The following CDH18 variants were observed in gnomAD, a reference collection of about 807,000 sequenced individuals.
The protein encoded by CDH18 is cadherin-18.
CDH18 carries 31 observed loss-of-function variants against 67.9 expected under a neutral mutation model. That is an observed-to-expected ratio of 0.46 (90% CI 0.34 to 0.62). The LOEUF is 0.62. Among genes scored for constraint, CDH18 ranks in the 20% least tolerant of loss-of-function variants. The probability of loss-of-function intolerance (pLI) is 0.01; values close to 1 mark genes in which losing one functional copy is unlikely to be tolerated. For missense variants in CDH18, 890 were observed against 975.5 expected (o/e 0.91, Z 1.17); for synonymous variants, 362 against 347.2 (o/e 1.04, Z -0.48).
intron 1 of CDH18, among the ~76,000 whole-genome samples, chr5:20,383,454 G>C (rs1219566210): frequency 6.6e-6 from 1 of 152,118 alleles, no homozygotes; most frequent in African/African-American, 2.4e-5. Flanking sequence ...TGCTTCATTT[G>C]CAAATTGCTA....
chr5:20,107,173 T>C (rs920837583), intron 2 of CDH18, among the ~76,000 whole-genome samples: 9 of 151,414 alleles, frequency 5.9e-5, no homozygotes, highest in Admixed American at 3.3e-4. Context: ...CTCCGCCTCC[T>C]GGGTTCACGC....
chr5:19,574,394 A>G (rs1212791726), intron 7 of CDH18, among the ~76,000 whole-genome samples: 3 of 152,284 alleles, frequency 2.0e-5, no homozygotes, highest in African/African-American at 7.2e-5. Context: ...AAAAATGAGT[A>G]GATTATTTTA....
chr5:20,086,133 C>T lies in CDH18; in HGVS notation c.-517-94119G>A, dbSNP rs528554763. On this transcript the variant is annotated intron_variant, in intron 2 of 14. Transcript: ENST00000507958. The stretch of plus-strand genomic sequence containing the variant: ...ATAAGAAAGTGAACCAGCCTTATTG[C>T]TGATATGGTGAATGTTTTATTGGTC... Among the ~76,000 whole-genome samples, 5 of 152,288 alleles carry T rather than the reference C, an allele frequency of 3.3e-5. No individual in the cohort carries two copies. In the South Asian group the frequency reaches 6.2e-4, roughly 19 times the overall value.
intron 2 of CDH18, among the ~76,000 whole-genome samples, chr5:19,913,960 A>G (rs570610940): frequency 9.2e-5 from 14 of 152,112 alleles, no homozygotes; most frequent in African/African-American, 3.1e-4. Flanking sequence ...TATAGAAACA[A>G]TGCGATTATT....
chr5:19,741,357 CACACAT>C lies in CDH18; in HGVS notation c.523+5579_523+5584del, dbSNP rs200170723. 6.3e-3 allele frequency among the ~76,000 whole-genome samples: 772 copies of C among 123,276 alleles called. 1 individual carries two copies. The highest frequency in any genetic ancestry group is 0.011 in the Non-Finnish European group (607 of 53,558). 80.9% of individuals were successfully genotyped at this position (123,276 alleles called of 152,430 possible). ...ACACACACACACACACACACACACA[CACACAT>C]ATATGACAGCCAGTACCTTACTAGG... On this transcript the variant is annotated intron_variant, in intron 4 of 12. Transcript: ENST00000382275.
chr5:20,384,860 G>A (rs1744188299), intron 1 of CDH18, among the ~76,000 whole-genome samples: 1 of 151,884 alleles, frequency 6.6e-6, no homozygotes, highest in African/African-American at 2.4e-5. Context: ...ATTTTGAGTT[G>A]GAGTCTCACT....
rs80100799 is a variant in CDH18, at chr5:20,042,251, A to G, written c.-517-50237T>C. ...AAGCATATTTACATATTTACTACAC[A>G]AATCCTTCATATTTTGTTGAGTTTA... On this transcript the variant is annotated intron_variant, in intron 2 of 14. Transcript: ENST00000507958. Among the ~76,000 whole-genome samples the G allele has an allele frequency of 0.018, 2,790 of 152,358 alleles. 188 individuals carry two copies. The East Asian group carries it at 0.25, about 14-fold the overall frequency.
At chr5:20,063,505 A>C (rs1425866952) in intron 2 of CDH18, among the ~76,000 whole-genome samples, 2 of 152,108 alleles carry the variant, frequency 1.3e-5, no homozygotes, top group Non-Finnish European at 2.9e-5. Context: ...CCTGGTCCAC[A>C]CAGTAGAAAA....
chr5:19,719,911 A>AAGAAAGAAAG (rs71780485), intron 5 of CDH18, among the ~76,000 whole-genome samples: 14 of 87,426 alleles, frequency 1.6e-4, no homozygotes, highest in African/African-American at 4.0e-4. Context: ...AAGAGAAAGA[A>AAGAAAGAAAG]AGAAAGAAAG....
intron 11 of CDH18, among the ~76,000 whole-genome samples, chr5:19,486,275 G>A (rs1246176767): frequency 6.7e-6 from 1 of 148,656 alleles, no homozygotes; most frequent in Non-Finnish European, 1.5e-5. Context: ...ATGAAAGGAA[G>A]AAGAAATATA....
At chr5:19,959,259 A>G (rs1375860084) in intron 2 of CDH18, among the ~76,000 whole-genome samples, 1 of 152,046 alleles carries the variant, frequency 6.6e-6, no homozygotes, top group Non-Finnish European at 1.5e-5. Flanking sequence ...GTATAACTGT[A>G]GGTGAGTGTG....
intron 1 of CDH18, among the ~76,000 whole-genome samples, chr5:20,411,367 A>G (rs529974413): frequency 6.6e-6 from 1 of 150,432 alleles, no homozygotes; most frequent in Non-Finnish European, 1.5e-5. Context: ...TCTTCAACTA[A>G]TTGTGTTAAG....
In CDH18 at chr5:20,091,254, G is replaced by A. The variant is rs193011616; in HGVS notation, c.-517-99240C>T. On this transcript the variant is annotated intron_variant, in intron 2 of 14. Coordinates refer to the CDH18 transcript ENST00000507958. ...TAATCCCTGCCCTTTGAGAGGCTGA[G>A]TCCCAGGATCTCTTGAGGCCAGGAG... is the stretch of plus-strand genomic sequence containing the variant. 4.1e-4 allele frequency among the ~76,000 whole-genome samples: 63 copies of A among 152,124 alleles called. No homozygotes were observed. The East Asian group carries it at 7.9e-3, about 19-fold the overall frequency.
chr5:20,129,951 G>GA (rs1749127358), intron 2 of CDH18, among the ~76,000 whole-genome samples: 1 of 151,500 alleles, frequency 6.6e-6, no homozygotes, highest in Non-Finnish European at 1.5e-5. Context: ...ATGAATCGGT[G>GA]AAAGTACAGG....
At chr5:19,832,877 G>T (rs920158210) in intron 3 of CDH18, among the ~76,000 whole-genome samples, 1 of 151,668 alleles carries the variant, frequency 6.6e-6, no homozygotes, top group Non-Finnish European at 1.5e-5. Context: ...GTTCTGCTCC[G>T]TTGCTCTATA....
chr5:20,056,326 T>C (rs1177541520), intron 2 of CDH18, among the ~76,000 whole-genome samples: 1 of 148,050 alleles, frequency 6.8e-6, no homozygotes, highest in Non-Finnish European at 1.5e-5. Flanking sequence ...TTTCTGTATG[T>C]TCCACATTTT....
intron 2 of CDH18, among the ~76,000 whole-genome samples, chr5:19,998,351 G>C (rs566578342): frequency 1.3e-5 from 2 of 152,238 alleles, no homozygotes; most frequent in African/African-American, 4.8e-5. Context: ...TTTGGAAATG[G>C]ATGGGTGTGA....
At position 19,702,972 on chromosome 5, in the gene CDH18, C is replaced by T. The variant is rs576894525; in HGVS notation, c.643+18375G>A. 3.3e-5 allele frequency among the ~76,000 whole-genome samples: 5 copies of T among 152,306 alleles called. No homozygotes were observed. The South Asian group carries it at 1.0e-3, about 32-fold the overall frequency. ...CTGCAGATAACTAGCCAGAGCCCAT[C>T]CCTTTGTTTCCTGTTTTAGTTAATC... On this transcript the variant is annotated intron_variant, in intron 5 of 12. Coordinates refer to ENST00000382275, the MANE Select transcript of CDH18 (RefSeq NM_004934.5).
intron 2 of CDH18, among the ~76,000 whole-genome samples, chr5:20,018,301 G>A (rs934727428): frequency 1.2e-4 from 19 of 152,016 alleles, no homozygotes; most frequent in East Asian, 3.9e-4. Flanking sequence ...AGTAGAGTTC[G>A]GAATGTCTAG....
Sources: gnomAD v4.1 joint callset for allele counts (sites outside exome capture counted in the v4.1 genomes callset) on GRCh38, gnomAD v4.1.1 for gene constraint, MANE v1.5 for transcripts, NCBI Gene and HGNC (gene_info 2026-07-23, HGNC 2026-07-21) for gene names.